The following TRIO variants were observed in gnomAD, a reference collection of about 807,000 sequenced individuals.
TRIO encodes the protein triple functional domain protein.
TRIO carries 58 observed loss-of-function variants against 351.9 expected under a neutral mutation model. The observed-to-expected ratio is 0.16, with a 90% confidence interval of 0.13 to 0.21. The LOEUF is 0.21. Ranked by LOEUF, TRIO falls within the 10% of genes least tolerant of loss-of-function variation. TRIO has a pLI of 1.00. For synonymous variants in TRIO, 1,758 were observed against 1,595.7 expected (o/e 1.10, Z -2.42); for missense variants, 3,201 against 4,027.8 (o/e 0.79, Z 5.56).
chr5:14,436,880 G>A (rs565663762), intron 34 of TRIO, among the ~76,000 whole-genome samples: 2 of 152,290 alleles, frequency 1.3e-5, no homozygotes, highest in South Asian at 2.1e-4. Flanking sequence ...TTGCTTTCAC[G>A]GACTGGCATT....
chr5:14,195,151 T>C (rs1790698426), intron 1 of TRIO, among the ~76,000 whole-genome samples: 1 of 152,234 alleles, frequency 6.6e-6, no homozygotes, highest in Non-Finnish European at 1.5e-5. Context: ...GTTCTCTATT[T>C]CGTGCAGTAT....
intron 1 of TRIO, among the ~76,000 whole-genome samples, chr5:14,199,133 A>C (rs540952166): frequency 7.8e-6 from 1 of 127,532 alleles, no homozygotes; most frequent in African/African-American, 2.9e-5. Context: ...GCTACTTGGG[A>C]GGCTGAGATG....
intron 1 of TRIO, among the ~76,000 whole-genome samples, chr5:14,144,746 A>C (rs1386710322): frequency 6.6e-6 from 1 of 151,714 alleles, no homozygotes; most frequent in African/African-American, 2.4e-5. Flanking sequence ...TTTGCTGCGC[A>C]GGGGGCGTGA....
chr5:14,381,179 C>T lies in TRIO; in HGVS notation c.3497C>T (p.Thr1166Ile). 6.2e-7 allele frequency: 1 copy of T among 1,614,182 alleles called. No individual in the cohort carries two copies. The highest frequency in any genetic ancestry group is 8.5e-7 in the Non-Finnish European group (1 of 1,180,034). ...DNGEFYLSTHTSTGSSIQHTQ... is the reference protein window; with the variant it reads ...DNGEFYLSTHISTGSSIQHTQ... ...GGCGAGTTCTACCTTTCCACACACACCTCCACGGGCTCCAGTATACAGCAC... is the reference window on the plus strand; with the variant it reads ...GGCGAGTTCTACCTTTCCACACACATCTCCACGGGCTCCAGTATACAGCAC... Residue 1166 changes from threonine (T) to isoleucine (I), a missense_variant, in exon 21 of 57, where the codon ACC (threonine) becomes ATC (isoleucine). Thr to Ile is a moderately conservative substitution (Grantham distance 89). This residue lies in a region of TRIO where 201 missense variants were observed against 266.5 expected (regional missense o/e 0.75). Transcript: ENST00000344204.
intron 34 of TRIO, among the ~76,000 whole-genome samples, chr5:14,444,380 A>G (rs1015874337): frequency 3.9e-5 from 6 of 152,238 alleles, no homozygotes; most frequent in African/African-American, 1.4e-4. Flanking sequence ...GTGTCACACA[A>G]GTTGCTGTGC....
At chr5:14,259,107 C>G (rs1795195167) in intron 1 of TRIO, among the ~76,000 whole-genome samples, 1 of 152,216 alleles carries the variant, frequency 6.6e-6, no homozygotes, top group South Asian at 2.1e-4. Flanking sequence ...CTGCCGGGTC[C>G]TGGAGGGTCC....
At chr5:14,190,018 G>A (rs867300243) in intron 1 of TRIO, among the ~76,000 whole-genome samples, 5 of 151,938 alleles carry the variant, frequency 3.3e-5, no homozygotes, top group African/African-American at 9.7e-5. Context: ...TACCATGCCC[G>A]GCATATCTTC....
chr5:14,151,368 TTGTGTGTGTGTGTGTGTTTGTGTGTGTG>T (rs1236170983), intron 1 of TRIO, among the ~76,000 whole-genome samples: 1 of 123,408 alleles, frequency 8.1e-6, no homozygotes, highest in Non-Finnish European at 1.7e-5. Flanking sequence ...TGTTTTTTCA[TTGTGTGTGTGTGTGTGTTTGTGTGTGTG>T]TGTGTGTGTG....
chr5:14,355,233 C>G (rs896602134), intron 11 of TRIO, among the ~76,000 whole-genome samples: 6 of 152,240 alleles, frequency 3.9e-5, no homozygotes, highest in Admixed American at 6.5e-5. Flanking sequence ...TTGACTCTTT[C>G]ATGAAACATT....
intron 16 of TRIO, among the ~76,000 whole-genome samples, chr5:14,368,217 G>T (rs890689327): frequency 1.2e-4 from 18 of 152,160 alleles, no homozygotes; most frequent in African/African-American, 4.3e-4. Context: ...TTAGCTTTTT[G>T]ATTTTTCTTT....
intron 9 of TRIO, among the ~76,000 whole-genome samples, chr5:14,330,240 C>T (rs537877280): frequency 6.6e-6 from 1 of 152,124 alleles, no homozygotes; most frequent in African/African-American, 2.4e-5. Flanking sequence ...TTTGCAGCAT[C>T]TTAGTTTAAA....
At chr5:14,314,611 G>A (rs1427420843) in intron 8 of TRIO, among the ~76,000 whole-genome samples, 3 of 152,178 alleles carry the variant, frequency 2.0e-5, no homozygotes, top group Non-Finnish European at 2.9e-5. Flanking sequence ...GAGAAAAACC[G>A]TGTATTTATG....
intron 1 of TRIO, among the ~76,000 whole-genome samples, chr5:14,191,230 A>G (rs939150045): frequency 3.9e-5 from 6 of 152,178 alleles, no homozygotes; most frequent in Admixed American, 3.3e-4. Flanking sequence ...TGGAGTACGT[A>G]TATATAAATG....
chr5:14,493,225 G>A (rs1579822861), intron 49 of TRIO, among the ~76,000 whole-genome samples: 1 of 148,612 alleles, frequency 6.7e-6, no homozygotes, highest in Non-Finnish European at 1.5e-5. Flanking sequence ...GACCAGTAGG[G>A]AGCGTGCGGA....
intron 34 of TRIO, among the ~76,000 whole-genome samples, chr5:14,455,046 T>A (rs1413205979): frequency 6.6e-6 from 1 of 152,122 alleles, no homozygotes. Flanking sequence ...CTCGCTGGCC[T>A]CAGGAGTGAA....
At chr5:14,356,914 T>C (rs1450765083) in intron 11 of TRIO, among the ~76,000 whole-genome samples, 1 of 152,164 alleles carries the variant, frequency 6.6e-6, no homozygotes, top group Non-Finnish European at 1.5e-5. Flanking sequence ...GAAATTATTT[T>C]AGAAAATGCA....
intron 21 of TRIO, among the ~76,000 whole-genome samples, chr5:14,385,182 A>G (rs747111606): frequency 1.6e-4 from 24 of 151,982 alleles, no homozygotes; most frequent in Non-Finnish European, 2.9e-4. Flanking sequence ...GCCCCCTCGC[A>G]CTCCTGCCTG....
chr5:14,367,329 A>G (rs561665013), intron 16 of TRIO, among the ~76,000 whole-genome samples: 2 of 152,306 alleles, frequency 1.3e-5, no homozygotes, highest in Admixed American at 6.5e-5. Flanking sequence ...CCCACGTTGC[A>G]GTCTCAGCTG....
At chr5:14,200,331 G>A (rs1791031495) in intron 1 of TRIO, among the ~76,000 whole-genome samples, 1 of 152,202 alleles carries the variant, frequency 6.6e-6, no homozygotes, top group Non-Finnish European at 1.5e-5. Context: ...CCGCGCCCAT[G>A]ATGTAAGTCC....
Sources: allele counts gnomAD v4.1 joint callset (sites outside exome capture counted in the v4.1 genomes callset), GRCh38; gene constraint gnomAD v4.1.1; regional missense constraint gnomAD v4.1.1; transcripts MANE v1.5; gene names NCBI Gene and HGNC (gene_info 2026-07-23, HGNC 2026-07-21).